Variants in SIL1 observed in about 807,000 individuals in gnomAD.
SIL1 encodes nucleotide exchange factor SIL1.
Under a neutral mutation model 49.1 loss-of-function variants are expected in SIL1, and 40 were observed. The ratio of observed to expected loss-of-function variants is 0.81; its 90% CI spans 0.63 to 1.06. The LOEUF (loss-of-function observed/expected upper bound fraction) is 1.06. Among genes scored for constraint, SIL1 ranks in the 50% least tolerant of loss-of-function variants. The pLI is 0.00. For missense variants in SIL1, 500 were observed against 572.6 expected (o/e 0.87, Z 1.29); for synonymous variants, 253 against 250.8 (o/e 1.01, Z -0.08).
chr5:138,951,090 G>T, intron 9 of SIL1, 81 bp downstream of exon 9: 1 of 1,491,028 alleles, frequency 6.7e-7, no homozygotes, highest in Non-Finnish European at 9.2e-7. Context: ...GACGTCCGCA[G>T]TCTCTTCCAT....
intron 1 of SIL1, chr5:139,196,543 A>G (rs1272816897): frequency 6.6e-6 from 1 of 152,250 alleles, no homozygotes; most frequent in African/African-American, 2.4e-5. Context: ...AGAAAACAGC[A>G]GGGAAGGGGA....
intron 1 of SIL1, among the ~76,000 whole-genome samples, chr5:139,159,101 G>C (rs1226990147): frequency 1.3e-5 from 2 of 150,502 alleles, no homozygotes; most frequent in African/African-American, 2.4e-5. Context: ...AAAAGAGAGA[G>C]AGGGAAAAAA....
intron 1 of SIL1, among the ~76,000 whole-genome samples, chr5:139,171,466 G>C (rs1270591183): frequency 1.3e-5 from 2 of 152,168 alleles, no homozygotes; most frequent in Admixed American, 6.5e-5. Context: ...TAAGGGTGGT[G>C]CAAGATGTGC....
At chr5:139,011,196 G>A (rs1460628611) in intron 7 of SIL1, among the ~76,000 whole-genome samples, 1 of 151,204 alleles carries the variant, frequency 6.6e-6, no homozygotes, top group Non-Finnish European at 1.5e-5. Context: ...TCTGAAAAGC[G>A]CAATATTCGG....
rs190627088 is a variant in SIL1, at chr5:139,192,228, A to G, written c.-11+6041T>C. On this transcript the variant is annotated intron_variant, in intron 1 of 9. Transcript: ENST00000394817. ...AACATAGCAAGACCCCATCTCAAAA[A>G]AAAAAAAAAAAGTCCATTGGCATTA... Among the ~76,000 whole-genome samples, 582 of 152,096 alleles carry G rather than the reference A, an allele frequency of 3.8e-3. 6 individuals carry two copies. The highest frequency in any genetic ancestry group is 0.012 in the African/African-American group (497 of 41,502).
chr5:139,035,781 T>G (rs1768893359), intron 5 of SIL1: 2 of 178,554 alleles, frequency 1.1e-5, no homozygotes, highest in Non-Finnish European at 2.3e-5. Context: ...CCTGAGTAGC[T>G]GGGACTACAG....
chr5:139,171,562 GC>G (rs1751770397), intron 1 of SIL1, among the ~76,000 whole-genome samples: 1 of 151,892 alleles, frequency 6.6e-6, no homozygotes, highest in East Asian at 1.9e-4. Context: ...CACAAACACT[GC>G]GGAAGGCCAC....
chr5:138,999,386 G>A (rs946296070), intron 7 of SIL1, among the ~76,000 whole-genome samples: 3 of 152,126 alleles, frequency 2.0e-5, no homozygotes, highest in Non-Finnish European at 1.5e-5. Context: ...GGAAACGATG[G>A]CCAAGCCTGT....
intron 3 of SIL1, among the ~76,000 whole-genome samples, chr5:139,055,370 C>T (rs899912507): frequency 7.2e-5 from 11 of 152,094 alleles, no homozygotes; most frequent in African/African-American, 2.2e-4. Flanking sequence ...ACTGCAACAT[C>T]GTCACCAATT....
intron 1 of SIL1, among the ~76,000 whole-genome samples, chr5:139,143,326 C>CATATAT (rs1751123890): frequency 1.6e-5 from 2 of 128,112 alleles, no homozygotes; most frequent in African/African-American, 7.4e-5. Context: ...CACACACACA[C>CATATAT]ACACACACAC....
At chr5:139,074,860 C>G (rs1354029346) in intron 3 of SIL1, among the ~76,000 whole-genome samples, 1 of 152,174 alleles carries the variant, frequency 6.6e-6, no homozygotes, top group Non-Finnish European at 1.5e-5. Flanking sequence ...CAGTCTTGCT[C>G]TGTCACCCAG....
At chr5:139,002,205 T>G (rs1768001487) in intron 7 of SIL1, among the ~76,000 whole-genome samples, 1 of 149,790 alleles carries the variant, frequency 6.7e-6, no homozygotes, top group Non-Finnish European at 1.5e-5. Flanking sequence ...AGTGAGAACC[T>G]GTCTCAAAAA....
intron 1 of SIL1, among the ~76,000 whole-genome samples, chr5:139,184,453 G>A (rs1359933574): frequency 2.6e-5 from 4 of 152,004 alleles, no homozygotes; most frequent in East Asian, 1.9e-4. Flanking sequence ...TGGAAGGATC[G>A]CTTGAGGCCA....
intron 3 of SIL1, among the ~76,000 whole-genome samples, chr5:139,066,468 A>AT (rs1202824341): frequency 5.4e-5 from 8 of 147,406 alleles, no homozygotes; most frequent in Non-Finnish European, 1.0e-4. Context: ...GTGACAGTCC[A>AT]TTTTTTAATA....
intron 1 of SIL1, among the ~76,000 whole-genome samples, chr5:139,152,864 G>C (rs916675358): frequency 2.0e-5 from 3 of 152,226 alleles, no homozygotes; most frequent in South Asian, 2.1e-4. Context: ...GCCCAGGCTA[G>C]AGTGAGTGCA....
chr5:138,967,519 C>T (rs534107842), intron 7 of SIL1, among the ~76,000 whole-genome samples: 2 of 152,176 alleles, frequency 1.3e-5, no homozygotes, highest in Non-Finnish European at 2.9e-5. Context: ...CCAATAAAAC[C>T]CAGACCTACA....
intron 7 of SIL1, among the ~76,000 whole-genome samples, chr5:138,983,324 T>C (rs1056317285): frequency 2.5e-4 from 37 of 148,030 alleles, no homozygotes; most frequent in South Asian, 2.1e-3. Context: ...CTGGCTAACA[T>C]GGTGAAAGCC....
intron 1 of SIL1, among the ~76,000 whole-genome samples, chr5:139,140,225 G>A (rs1010995714): frequency 1.3e-5 from 2 of 151,330 alleles, no homozygotes; most frequent in South Asian, 2.1e-4. Context: ...AGCCGAGATC[G>A]AGCCACTGCC....
chr5:139,021,290 C>T lies in SIL1; in HGVS notation c.648G>A (p.Met216Ile). Residue 216 changes from methionine to isoleucine, a missense_variant and splice_region_variant, in exon 7 of 10, where the codon ATG becomes ATA. Coordinates refer to ENST00000394817, the MANE Select transcript of SIL1 (RefSeq NM_022464.5). ...LFDLEYYVHQ[M>I]DNAQDLLSFG... ...AGGAAAGCAGGTCCTGCGCATTGTC[C>T]ATCTGCAACAGAGCCACTGCTTAGT... The T allele has an allele frequency of 6.2e-7, 1 of 1,614,120 alleles. No homozygotes were observed. Among genetic ancestry groups the T allele is most frequent in the Non-Finnish European group, 8.5e-7 (1 of 1,180,012 alleles).
Sources: gnomAD v4.1 joint callset for allele counts (sites outside exome capture counted in the v4.1 genomes callset) on GRCh38, gnomAD v4.1.1 for gene constraint, MANE v1.5 for transcripts, NCBI Gene and HGNC (gene_info 2026-07-23, HGNC 2026-07-21) for gene names.